Variants in ELAPOR2 observed in about 807,000 individuals in gnomAD.
The protein encoded by ELAPOR2 is endosome/lysosome-associated apoptosis and autophagy regulator family member 2.
Under a neutral mutation model 120.7 loss-of-function variants are expected in ELAPOR2, and 89 were observed. The observed-to-expected ratio is 0.74, with a 90% CI of 0.62 to 0.88. The LOEUF is 0.88. Among genes scored for constraint, ELAPOR2 ranks in the 40% least tolerant of loss-of-function variants. The pLI is 0.00. For synonymous variants in ELAPOR2, 444 were observed against 444.9 expected (o/e 1.00, Z 0.03); for missense variants, 1,134 against 1,251.6 (o/e 0.91, Z 1.42).
chr7:86,971,390 A>G (rs1343677409), intron 1 of ELAPOR2, among the ~76,000 whole-genome samples: 2 of 152,212 alleles, frequency 1.3e-5, no homozygotes, highest in Non-Finnish European at 2.9e-5. Flanking sequence ...TGAAAGAAAC[A>G]TTTCCATTTT....
intron 2 of ELAPOR2, among the ~76,000 whole-genome samples, chr7:86,961,052 G>A (rs1791686817): frequency 1.3e-5 from 2 of 152,056 alleles, no homozygotes; most frequent in Non-Finnish European, 2.9e-5. Context: ...TACTCTGTAT[G>A]AGAAATACAA....
chr7:86,899,522 T>C (rs1251368949), intron 18 of ELAPOR2, among the ~76,000 whole-genome samples: 1 of 152,138 alleles, frequency 6.6e-6, no homozygotes, highest in African/African-American at 2.4e-5. Context: ...TTCAAATACC[T>C]TTCCAGTGAT....
chr7:86,895,687 T>C (rs1584316872), intron 19 of ELAPOR2, among the ~76,000 whole-genome samples: 1 of 152,032 alleles, frequency 6.6e-6, no homozygotes, highest in Non-Finnish European at 1.5e-5. Flanking sequence ...ATTAGAGAAT[T>C]TGTTGCAAAT....
chr7:86,908,949 C>T (rs1220725348), intron 16 of ELAPOR2, among the ~76,000 whole-genome samples: 1 of 152,000 alleles, frequency 6.6e-6, no homozygotes, highest in Admixed American at 6.6e-5. Context: ...TCAATATAGA[C>T]ATATTTGACA....
chr7:86,925,701 T>C (rs766190434), intron 9 of ELAPOR2, 45 bp from the exon 10 acceptor site: 3 of 1,575,166 alleles, frequency 1.9e-6, no homozygotes, highest in Non-Finnish European at 2.6e-6. Flanking sequence ...AAACTGCATA[T>C]GGACAACTTC....
intron 1 of ELAPOR2, among the ~76,000 whole-genome samples, chr7:87,012,525 T>C (rs1326842394): frequency 6.6e-6 from 1 of 152,196 alleles, no homozygotes; most frequent in Admixed American, 6.5e-5. Flanking sequence ...ATATCATATC[T>C]CTCCTAAGCT....
intron 1 of ELAPOR2, among the ~76,000 whole-genome samples, chr7:87,021,460 G>T (rs1794038507): frequency 6.6e-6 from 1 of 152,044 alleles, no homozygotes; most frequent in African/African-American, 2.4e-5. Context: ...AATGACTCAT[G>T]ATATCCATAT....
intron 1 of ELAPOR2, chr7:86,965,954 T>G: frequency 1.0e-6 from 1 of 985,358 alleles, no homozygotes; most frequent in Non-Finnish European, 1.2e-6. Flanking sequence ...GGCCATTGTC[T>G]TTGACCTTCT....
At chr7:86,959,166 G>C (rs1791600261) in intron 2 of ELAPOR2, among the ~76,000 whole-genome samples, 1 of 152,102 alleles carries the variant, frequency 6.6e-6, no homozygotes, top group South Asian at 2.1e-4. Flanking sequence ...AGTTTATTTT[G>C]TATCTTACAG....
intron 1 of ELAPOR2, among the ~76,000 whole-genome samples, chr7:87,032,752 G>A (rs1794461255): frequency 6.6e-6 from 1 of 152,126 alleles, no homozygotes; most frequent in African/African-American, 2.4e-5. Flanking sequence ...GATCCTCAAA[G>A]TTCATCAGCA....
chr7:87,008,368 A>T (rs1390222205), intron 1 of ELAPOR2, among the ~76,000 whole-genome samples: 1 of 152,192 alleles, frequency 6.6e-6, no homozygotes, highest in Non-Finnish European at 1.5e-5. Context: ...AAAGAAATGC[A>T]ATGTGAGATC....
At chr7:87,020,187 G>C (rs973349081) in intron 1 of ELAPOR2, among the ~76,000 whole-genome samples, 2 of 152,036 alleles carry the variant, frequency 1.3e-5, no homozygotes, top group Non-Finnish European at 2.9e-5. Flanking sequence ...ATATGTATAT[G>C]TGTGCATATT....
chr7:87,000,315 T>C (rs1054403698), intron 1 of ELAPOR2, among the ~76,000 whole-genome samples: 2 of 152,058 alleles, frequency 1.3e-5, no homozygotes, highest in African/African-American at 4.8e-5. Context: ...TCTCAAACCA[T>C]AGACTGAGAC....
intron 1 of ELAPOR2, among the ~76,000 whole-genome samples, chr7:87,018,371 G>C (rs1282951609): frequency 1.3e-5 from 2 of 152,046 alleles, no homozygotes; most frequent in Admixed American, 6.6e-5. Flanking sequence ...TATTTAATGA[G>C]AGAAAAAATG....
chr7:86,926,776 G>A lies in ELAPOR2; in HGVS notation c.1230C>T (p.Cys410=), dbSNP rs1191772728. 1.2e-6 allele frequency: 2 copies of A among 1,611,548 alleles called. No homozygotes were observed. Among genetic ancestry groups the A allele is most frequent in the African/African-American group, 2.7e-5 (2 of 74,692 alleles). The change falls in exon 9 of 22, where the codon TGC becomes TGT. Residue 410 remains cysteine, a synonymous_variant. Transcript: ENST00000450689. ...PGFYNNGSSS[C]HPCPPGTFSD... Reference sequence around the variant, plus strand: ...AAAATGTTCCAGGAGGACAGGGATGGCAAGAAGATGATCCATTGTTATAAA... The same window carrying A: ...AAAATGTTCCAGGAGGACAGGGATGACAAGAAGATGATCCATTGTTATAAA...
At chr7:87,047,894 C>T (rs1794999810) in intron 1 of ELAPOR2, among the ~76,000 whole-genome samples, 1 of 152,160 alleles carries the variant, frequency 6.6e-6, no homozygotes, top group Admixed American at 6.5e-5. Context: ...CACAACTGTT[C>T]ACAATAGCTA....
intron 1 of ELAPOR2, among the ~76,000 whole-genome samples, chr7:86,982,553 T>C (rs753603999): frequency 3.9e-5 from 6 of 152,054 alleles, no homozygotes; most frequent in Non-Finnish European, 5.9e-5. Context: ...GGGTCCAGAG[T>C]GGACATACAG....
At chr7:86,888,318 G>GT (rs1236882196) in intron 21 of ELAPOR2, among the ~76,000 whole-genome samples, 1 of 152,066 alleles carries the variant, frequency 6.6e-6, no homozygotes, top group Non-Finnish European at 1.5e-5. Context: ...AGACAAGCTG[G>GT]TTTTTTAGCA....
At chr7:87,007,561 A>T (rs975486502) in intron 1 of ELAPOR2, among the ~76,000 whole-genome samples, 1 of 152,216 alleles carries the variant, frequency 6.6e-6, no homozygotes, top group African/African-American at 2.4e-5. Flanking sequence ...TCTAGGGGAA[A>T]AAAGAACACT....
Sources: allele counts gnomAD v4.1 joint callset (sites outside exome capture counted in the v4.1 genomes callset), GRCh38; gene constraint gnomAD v4.1.1; transcripts MANE v1.5; gene names NCBI Gene and HGNC (gene_info 2026-07-23, HGNC 2026-07-21).